The following MTUS1 variants were observed in gnomAD, a reference collection of about 807,000 sequenced individuals.
MTUS1 encodes microtubule associated scaffold protein 1.
In MTUS1, 109 loss-of-function variants were observed where a neutral mutation model predicts 120.8. The ratio of observed to expected loss-of-function variants is 0.90; its 90% CI spans 0.77 to 1.06. MTUS1 has a LOEUF of 1.06. Among genes scored for constraint, MTUS1 ranks in the 50% least tolerant of loss-of-function variants. The probability of loss-of-function intolerance (pLI) is 0.00; values close to 1 mark genes in which losing one functional copy is unlikely to be tolerated. For missense variants in MTUS1, 2,210 were observed against 1,486.3 expected (o/e 1.49, Z -8.01); for synonymous variants, 737 against 550.5 (o/e 1.34, Z -4.74).
At chr8:17,708,149 C>T (rs1399565760) in intron 6 of MTUS1, among the ~76,000 whole-genome samples, 2 of 152,158 alleles carry the variant, frequency 1.3e-5, no homozygotes, top group African/African-American at 4.8e-5. Context: ...TTTCCAAGGA[C>T]ATTATCAAGA....
rs200040115 is a variant in MTUS1 at position 17,709,150 on chromosome 8, G to C, written c.2623+4064C>G. On this transcript the variant is annotated intron_variant, in intron 6 of 14. Transcript: ENST00000693296. The stretch of plus-strand genomic sequence containing the variant: ...AGACTCTGCCTCAAAAAAAAAAAAA[G>C]AAAAAGAATTCTGAGATAATTTCCC... Among the ~76,000 whole-genome samples the C allele has an allele frequency of 6.1e-3, 879 of 143,664 alleles. 11 individuals carry two copies. Among genetic ancestry groups the C allele is most frequent in the African/African-American group, 0.022 (833 of 38,514 alleles). 94.2% of individuals were successfully genotyped at this position (143,664 alleles called of 152,430 possible). A position where few individuals can be genotyped will look rare whatever the true frequency, so the allele number is the denominator to read the frequency against.
At position 17,738,384 on chromosome 8, in the gene MTUS1, C is replaced by A. The variant is rs544449113; in HGVS notation, c.2287+5220G>T. Among the ~76,000 whole-genome samples the A allele has an allele frequency of 6.6e-5, 10 of 152,252 alleles. No homozygotes were observed. In the East Asian group the frequency reaches 1.7e-3, roughly 27 times the overall value. On this transcript the variant is annotated intron_variant, in intron 3 of 14. Transcript: ENST00000693296. Reference sequence around the variant, plus strand: ...AATCCTACCTGGCTCAGGCTGGCCTCTGAAATGGCAACTCATGTGTGTAGA... The same window carrying A: ...AATCCTACCTGGCTCAGGCTGGCCTATGAAATGGCAACTCATGTGTGTAGA...
chr8:17,744,259 T>C (rs2047558603), intron 2 of MTUS1, among the ~76,000 whole-genome samples: 1 of 152,182 alleles, frequency 6.6e-6, no homozygotes, highest in African/African-American at 2.4e-5. Flanking sequence ...GCTGAGAGTC[T>C]AGCACCTTTT....
intron 6 of MTUS1, among the ~76,000 whole-genome samples, chr8:17,696,278 T>C (rs1313612082): frequency 1.3e-5 from 2 of 151,836 alleles, no homozygotes; most frequent in African/African-American, 4.8e-5. Context: ...AAAATGAGAA[T>C]TCTCCCACAG....
intron 2 of MTUS1, among the ~76,000 whole-genome samples, chr8:17,746,348 C>G (rs17125231): frequency 0.05 from 7,676 of 152,196 alleles, 625 homozygotes; most frequent in African/African-American, 0.18. Flanking sequence ...CCTTCAAGCA[C>G]CTCTACGTAT....
chr8:17,730,732 A>C (rs1381188334), intron 3 of MTUS1, among the ~76,000 whole-genome samples: 1 of 152,220 alleles, frequency 6.6e-6, no homozygotes, highest in East Asian at 1.9e-4. Context: ...GCCAGTTATA[A>C]ATAATGTATG....
At chr8:17,708,355 A>T (rs1407261894) in intron 6 of MTUS1, among the ~76,000 whole-genome samples, 1 of 152,250 alleles carries the variant, frequency 6.6e-6, no homozygotes, top group Non-Finnish European at 1.5e-5. Flanking sequence ...AATGACACTC[A>T]ATGTCACTGG....
chr8:17,713,453 G>A (rs1364326363), intron 5 of MTUS1, among the ~76,000 whole-genome samples: 5 of 151,968 alleles, frequency 3.3e-5, no homozygotes, highest in African/African-American at 9.7e-5. Flanking sequence ...ACATCAAAAT[G>A]TTTAAGTATG....
chr8:17,735,416 G>A (rs950480080), intron 3 of MTUS1, among the ~76,000 whole-genome samples: 5 of 152,168 alleles, frequency 3.3e-5, no homozygotes, highest in Admixed American at 1.3e-4. Context: ...CAAAAAATAT[G>A]TAGCACTCGT....
At chr8:17,760,569 G>A (rs1440107140) in intron 1 of MTUS1, among the ~76,000 whole-genome samples, 1 of 152,064 alleles carries the variant, frequency 6.6e-6, no homozygotes, top group Non-Finnish European at 1.5e-5. Context: ...GTTAAAAGTT[G>A]GCCATTTTGT....
chr8:17,671,777 T>A (rs1168146832), intron 8 of MTUS1, among the ~76,000 whole-genome samples: 1 of 152,154 alleles, frequency 6.6e-6, no homozygotes, highest in African/African-American at 2.4e-5. Flanking sequence ...AATTACCCAA[T>A]GGGAGAGTGA....
chr8:17,670,932 C>T (rs1811889252), intron 8 of MTUS1, among the ~76,000 whole-genome samples: 1 of 152,052 alleles, frequency 6.6e-6, no homozygotes, highest in Non-Finnish European at 1.5e-5. Flanking sequence ...AAATGAGAAT[C>T]TAGTTCAGAC....
Position 17,650,179 on chromosome 8 carries a change from C to T in MTUS1, c.3385-217G>A, listed in dbSNP as rs143835530. ...AAACATTTCACTTATTTATCAGTAA[C>T]TTAATATGCAAAAATGTGAGTTGCA... On this transcript the variant is annotated intron_variant, in intron 12 of 14. Coordinates refer to ENST00000693296, the MANE Select transcript of MTUS1 (RefSeq NM_001363059.2). Among the ~76,000 whole-genome samples the T allele has an allele frequency of 5.5e-3, 844 of 152,264 alleles. 8 individuals are homozygous for T. The highest frequency in any genetic ancestry group is 0.019 in the African/African-American group (793 of 41,536).
rs1478999474 is a variant in MTUS1 at position 17,645,291 on chromosome 8, C to CT, written c.*634dup. 1.3e-5 allele frequency: 2 copies of CT among 152,670 alleles called. No homozygotes were observed. Among genetic ancestry groups the CT allele is most frequent in the African/African-American group, 2.4e-5 (1 of 41,464 alleles). 9.5% of individuals were successfully genotyped at this position (152,670 alleles called of 1,614,324 possible). Reference sequence around the variant, plus strand: ...GTCAAAGCTCTTCCTGTTATACCCTCTCCCTACCCTGTTACAGGGCTGAGC... The same window carrying CT: ...GTCAAAGCTCTTCCTGTTATACCCTCTTCCCTACCCTGTTACAGGGCTGAGC... On this transcript the variant is annotated 3_prime_UTR_variant, in exon 15 of 15. Transcript: ENST00000693296.
chr8:17,792,736 T>C (rs950098040), intron 1 of MTUS1, among the ~76,000 whole-genome samples: 3 of 152,314 alleles, frequency 2.0e-5, no homozygotes, highest in Non-Finnish European at 2.9e-5. Context: ...CGGTGGCGCA[T>C]ACCTGTAGTG....
At chr8:17,662,263 G>A (rs539831945) in intron 8 of MTUS1, among the ~76,000 whole-genome samples, 4 of 151,098 alleles carry the variant, frequency 2.6e-5, no homozygotes, top group South Asian at 2.1e-4. Context: ...AAATTGTTTC[G>A]AATTTGCAAC....
intron 6 of MTUS1, among the ~76,000 whole-genome samples, chr8:17,703,800 C>G (rs999344914): frequency 5.3e-5 from 8 of 152,106 alleles, no homozygotes; most frequent in Non-Finnish European, 1.2e-4. Flanking sequence ...ACAATACGTG[C>G]ACTGCTGAAC....
chr8:17,718,675 G>A (rs984303349), intron 4 of MTUS1, among the ~76,000 whole-genome samples: 3 of 151,910 alleles, frequency 2.0e-5, no homozygotes, highest in African/African-American at 4.8e-5. Flanking sequence ...CTAATATGTA[G>A]TTTAAAACTG....
chr8:17,788,118 T>C (rs1310662052), intron 1 of MTUS1, among the ~76,000 whole-genome samples: 4 of 150,972 alleles, frequency 2.6e-5, no homozygotes, highest in East Asian at 3.9e-4. Context: ...CAAAACTCCA[T>C]CTCAAAAAAA....
Sources: allele counts gnomAD v4.1 joint callset (sites outside exome capture counted in the v4.1 genomes callset), GRCh38; gene constraint gnomAD v4.1.1; transcripts MANE v1.5; gene names NCBI Gene and HGNC (gene_info 2026-07-23, HGNC 2026-07-21).